The following MRPL27 variants were observed in gnomAD, a reference collection of about 807,000 sequenced individuals.
MRPL27 encodes mitochondrial ribosomal protein L27, also known as large ribosomal subunit protein bL27m.
MRPL27 carries 4 observed loss-of-function variants against 14.6 expected under a neutral mutation model. The ratio of observed to expected loss-of-function variants is 0.27; its 90% CI spans 0.14 to 0.63. The LOEUF (loss-of-function observed/expected upper bound fraction) is 0.63, where lower values mean the gene tolerates loss of function less well. MRPL27 is among the 20% of genes least tolerant of loss of function. The pLI is 0.85. For missense variants in MRPL27, 196 were observed against 192.8 expected, an observed-to-expected ratio of 1.02 and a Z score of -0.10; for synonymous variants, 82 against 75.5, an observed-to-expected ratio of 1.09 and a Z score of -0.45.
intron 1 of MRPL27, 28 bp downstream of exon 1, chr17:50,373,103 C>A (rs979078334): frequency 1.9e-6 from 3 of 1,613,814 alleles, no homozygotes; most frequent in Non-Finnish European, 2.5e-6. Context: ...CCCCGCCTCA[C>A]CCCGCTCTGA....
rs781009031 is a variant in MRPL27 at position 50,370,539 on chromosome 17, A to C, written c.88T>G (p.Tyr30Asp). 1.2e-5 allele frequency: 20 copies of C among 1,614,210 alleles called. No homozygotes were observed. In the South Asian group the frequency reaches 2.0e-4, roughly 16 times the overall value. ...PTPATALAVR[Y>D]ASKKSGGSSK... The stretch of plus-strand genomic sequence containing the variant: ...CTACCACCCGACTTCTTGGATGCGT[A>C]TCTGACAGCAAGAGCTGTAGCCGGA... The change falls in exon 2 of 4, where the codon TAC becomes GAC. Residue 30 changes from tyrosine (Y) to aspartate (D), a missense_variant. Physicochemically the swap from Tyr to Asp is radical, Grantham distance 160 (BLOSUM62 -3). Transcript: ENST00000225969.
At chr17:50,370,315 G>A in intron 2 of MRPL27, 140 bp downstream of exon 2, 11 of 1,400,786 alleles carry the variant, frequency 7.9e-6, no homozygotes, top group Non-Finnish European at 1.1e-5. Context: ...CCTTCCTCAG[G>A]TCTTATCCGT....
intron 2 of MRPL27, 91 bp downstream of exon 2, chr17:50,370,361 GAAC>G (rs754586026): frequency 5.4e-5 from 85 of 1,581,008 alleles, no homozygotes; most frequent in Non-Finnish European, 7.1e-5. Flanking sequence ...TGGTAAGGAA[GAAC>G]AGGGCCAGGC....
At chr17:50,369,933 G>T in intron 3 of MRPL27, 99 bp downstream of exon 3, 3 of 1,317,654 alleles carry the variant, frequency 2.3e-6, no homozygotes, top group Non-Finnish European at 3.3e-6. Context: ...CTTGCCATTT[G>T]GTAAGCACTC....
chr17:50,372,566 T>A (rs1017008087), intron 1 of MRPL27, among the ~76,000 whole-genome samples: 2 of 152,308 alleles, frequency 1.3e-5, no homozygotes, highest in South Asian at 4.1e-4. Context: ...AGGTTTTAAA[T>A]GTTATCTCCT....
At chr17:50,371,552 G>A (rs773619476) in intron 1 of MRPL27, among the ~76,000 whole-genome samples, 2 of 152,148 alleles carry the variant, frequency 1.3e-5, no homozygotes, top group Non-Finnish European at 2.9e-5. Flanking sequence ...AAGCCTAGGG[G>A]TGCAACTCCT....
At position 50,372,244 on chromosome 17, in the gene MRPL27, T is replaced by A. The variant is rs1164927715; in HGVS notation, c.40+887A>T. Reference sequence around the variant, plus strand: ...TACACAGGTCTAGGTCTCCTGTCATTCTTTTTTTTTTGGGGGGGGGGGATA... The same window carrying A: ...TACACAGGTCTAGGTCTCCTGTCATACTTTTTTTTTTGGGGGGGGGGGATA... On this transcript the variant is annotated intron_variant, in intron 1 of 3. Coordinates refer to ENST00000225969, the MANE Select transcript of MRPL27 (RefSeq NM_016504.3). Among the ~76,000 whole-genome samples the A allele has an allele frequency of 5.3e-5, 7 of 133,176 alleles. No individual in the cohort carries two copies. In the East Asian group the frequency reaches 6.5e-4, roughly 12 times the overall value. 87.4% of individuals were successfully genotyped at this position (133,176 alleles called of 152,430 possible). A position where few individuals can be genotyped will look rare whatever the true frequency, so the allele number is the denominator to read the frequency against.
chr17:50,370,412 G>C (rs1339089473), intron 2 of MRPL27, 43 bp downstream of exon 2: 1 of 1,613,406 alleles, frequency 6.2e-7, no homozygotes, highest in Admixed American at 1.7e-5. Flanking sequence ...GGAACATGAG[G>C]ACAGGGTGCA....
chr17:50,371,296 C>A (rs1913126591), intron 1 of MRPL27: 1 of 152,360 alleles, frequency 6.6e-6, no homozygotes, highest in Non-Finnish European at 1.5e-5. Flanking sequence ...TCATCCACTG[C>A]TCACCAAATA....
intron 3 of MRPL27, chr17:50,368,993 T>A: frequency 1.5e-6 from 1 of 653,090 alleles, no homozygotes; most frequent in Non-Finnish European, 2.7e-6. Context: ...ACCCAGGTAG[T>A]CCAGCATTAT....
chr17:50,372,114 T>C (rs534945803), intron 1 of MRPL27, among the ~76,000 whole-genome samples: 1 of 152,302 alleles, frequency 6.6e-6, no homozygotes, highest in East Asian at 1.9e-4. Flanking sequence ...GACTTTCCAT[T>C]TGATTTCCTC....
chr17:50,368,241 T>C lies in MRPL27; in HGVS notation c.298A>G (p.Thr100Ala), dbSNP rs775867439. ...GGATGAGGCACGTAGACCTCCTTAG[T>C]GTAGCGGACTATCCCCTCTTCCAGG... ...YALEEGIVRY[T>A]KEVYVPHPRN... Residue 100 changes from threonine to alanine, a missense_variant, in exon 4 of 4, where the codon ACT (threonine) becomes GCT (alanine). Coordinates refer to ENST00000225969, the MANE Select transcript of MRPL27 (RefSeq NM_016504.3). The C allele has an allele frequency of 6.2e-7, 1 of 1,614,074 alleles. No individual in the cohort carries two copies. Among genetic ancestry groups the C allele is most frequent in the Non-Finnish European group, 8.5e-7 (1 of 1,180,040 alleles).
intron 3 of MRPL27, chr17:50,368,962 G>T: frequency 1.5e-6 from 1 of 677,288 alleles, no homozygotes; most frequent in South Asian, 1.6e-5. Flanking sequence ...AGAACTTCAG[G>T]CTGGGTGTGT....
intron 3 of MRPL27, chr17:50,368,565 T>C (rs1913032516): frequency 3.4e-6 from 2 of 594,932 alleles, no homozygotes; most frequent in Admixed American, 3.0e-5. Flanking sequence ...GCCATGTCTA[T>C]GCAGCTGGTC....
At chr17:50,368,559 T>C (rs1220013422) in intron 3 of MRPL27, 1 of 595,026 alleles carries the variant, frequency 1.7e-6, no homozygotes, top group Admixed American at 3.0e-5. Context: ...CCTGGAGCCA[T>C]GTCTATGCAG....
chr17:50,372,569 T>G (rs1195878091), intron 1 of MRPL27, among the ~76,000 whole-genome samples: 1 of 152,200 alleles, frequency 6.6e-6, no homozygotes, highest in African/African-American at 2.4e-5. Flanking sequence ...TTTTAAATGT[T>G]ATCTCCTCAG....
Position 50,370,074 on chromosome 17 carries a change from G to C in MRPL27, c.198C>G (p.Ile66Met). 6.2e-7 allele frequency: 1 copy of C among 1,613,522 alleles called. No homozygotes were observed. The highest frequency in any genetic ancestry group is 1.1e-5 in the South Asian group (1 of 90,966). ...MEGHYVHAGN[I>M]IATQRHFRWH... Reference sequence around the variant, plus strand: ...AGCGGAAATGGCGCTGTGTTGCAATGATGTTCCCAGCATGAACATAGTGAC... The same window carrying C: ...AGCGGAAATGGCGCTGTGTTGCAATCATGTTCCCAGCATGAACATAGTGAC... Residue 66 changes from isoleucine to methionine, a missense_variant, in exon 3 of 4, where the codon ATC becomes ATG. By Grantham distance (10) the Ile-to-Met change is conservative. Coordinates refer to ENST00000225969, the MANE Select transcript of MRPL27 (RefSeq NM_016504.3).
intron 1 of MRPL27, among the ~76,000 whole-genome samples, chr17:50,371,662 A>C (rs1460206101): frequency 1.3e-5 from 2 of 152,168 alleles, no homozygotes; most frequent in Non-Finnish European, 2.9e-5. Flanking sequence ...AGAGTTCCTG[A>C]AGCCTGGGTT....
intron 3 of MRPL27, chr17:50,368,592 A>T: frequency 1.7e-6 from 1 of 592,716 alleles, no homozygotes; most frequent in Non-Finnish European, 3.0e-6. Context: ...CACACTGCAC[A>T]AATCCCAAAA....
Sources: allele counts gnomAD v4.1 joint callset (sites outside exome capture counted in the v4.1 genomes callset), GRCh38; gene constraint gnomAD v4.1.1; transcripts MANE v1.5; gene names NCBI Gene and HGNC (gene_info 2026-07-23, HGNC 2026-07-21).